Variants in AP3S1 observed in about 807,000 individuals in gnomAD.
AP3S1 encodes adaptor related protein complex 3 subunit sigma 1, also known as AP-3 complex subunit sigma-1.
Under a neutral mutation model 21.3 loss-of-function variants are expected in AP3S1, and 12 were observed. That is an observed-to-expected ratio of 0.56 (90% confidence interval 0.36 to 0.91). The LOEUF is 0.91. AP3S1 is among the 40% of genes least tolerant of loss of function. The pLI, the probability that AP3S1 is intolerant of heterozygous loss-of-function variation, is 0.01. For missense variants in AP3S1, 116 were observed against 225.0 expected (o/e 0.52, Z 3.10); for synonymous variants, 48 against 78.4 (o/e 0.61, Z 2.05).
chr5:115,905,710 CAT>C (rs755838257), intron 5 of AP3S1, among the ~76,000 whole-genome samples: 3 of 152,140 alleles, frequency 2.0e-5, no homozygotes, highest in Non-Finnish European at 4.4e-5. Flanking sequence ...CAAAAGCTTT[CAT>C]ATGTTTCATG....
intron 5 of AP3S1, among the ~76,000 whole-genome samples, chr5:115,905,489 T>A (rs1580745594): frequency 6.6e-6 from 1 of 152,210 alleles, no homozygotes; most frequent in African/African-American, 2.4e-5. Context: ...TTAAGTCTGA[T>A]TGGGGATAAA....
At chr5:115,856,754 G>A (rs532512996) in intron 1 of AP3S1, among the ~76,000 whole-genome samples, 59 of 152,268 alleles carry the variant, frequency 3.9e-4, no homozygotes, top group Middle Eastern at 3.4e-3. Flanking sequence ...GATTACAAAC[G>A]TGAGCCACTG....
chr5:115,894,522 A>G lies in AP3S1; in HGVS notation c.274-565A>G, dbSNP rs538586207. On this transcript the variant is annotated intron_variant, in intron 3 of 5. Transcript: ENST00000316788. Reference sequence around the variant, plus strand: ...TCCTGAAAACAGTCCATTTATGGGAATGTGCAGAGTTTGAGCAACGCAAGC... The same window carrying G: ...TCCTGAAAACAGTCCATTTATGGGAGTGTGCAGAGTTTGAGCAACGCAAGC... Among the ~76,000 whole-genome samples the G allele has an allele frequency of 2.6e-5, 4 of 152,288 alleles. No homozygotes were observed. In the East Asian group the frequency reaches 7.7e-4, roughly 29 times the overall value.
chr5:115,892,424 C>T (rs371326357), intron 3 of AP3S1, among the ~76,000 whole-genome samples: 3 of 152,094 alleles, frequency 2.0e-5, no homozygotes, highest in African/African-American at 7.2e-5. Flanking sequence ...CATCAGCAGA[C>T]GAATAATGGA....
At chr5:115,866,267 T>G (rs766090088) in intron 1 of AP3S1, among the ~76,000 whole-genome samples, 1 of 152,232 alleles carries the variant, frequency 6.6e-6, no homozygotes, top group Non-Finnish European at 1.5e-5. Context: ...CATAGTTCTA[T>G]TTCTTTCCTC....
At chr5:115,878,922 A>G (rs956775793) in intron 3 of AP3S1, among the ~76,000 whole-genome samples, 1 of 152,134 alleles carries the variant, frequency 6.6e-6, no homozygotes, top group African/African-American at 2.4e-5. Context: ...CATCCCTTGT[A>G]AGTTGTATTC....
intron 1 of AP3S1, among the ~76,000 whole-genome samples, chr5:115,848,935 G>GT (rs1456642353): frequency 1.3e-5 from 2 of 152,184 alleles, no homozygotes. Flanking sequence ...GCTAATAACT[G>GT]TTTTCTTAAG....
intron 4 of AP3S1, among the ~76,000 whole-genome samples, chr5:115,896,168 C>T (rs1418087423): frequency 1.3e-5 from 2 of 152,134 alleles, no homozygotes; most frequent in Non-Finnish European, 2.9e-5. Flanking sequence ...TTTAAGCTTA[C>T]AAAACTAAGT....
At chr5:115,870,668 A>G (rs1205564895) in intron 3 of AP3S1, among the ~76,000 whole-genome samples, 1 of 152,152 alleles carries the variant, frequency 6.6e-6, no homozygotes, top group African/African-American at 2.4e-5. Context: ...TTTCCAGACC[A>G]TTCTTTCTTC....
chr5:115,892,121 T>C (rs1750358695), intron 3 of AP3S1, among the ~76,000 whole-genome samples: 1 of 152,220 alleles, frequency 6.6e-6, no homozygotes, highest in South Asian at 2.1e-4. Flanking sequence ...AGATATCATC[T>C]CATTCCAGTT....
chr5:115,900,263 ATT>A (rs1751099169), intron 4 of AP3S1, among the ~76,000 whole-genome samples: 1 of 152,200 alleles, frequency 6.6e-6, no homozygotes, highest in South Asian at 2.1e-4. Flanking sequence ...AAAAAAGATC[ATT>A]TAAGTTTTTT....
chr5:115,855,768 A>G (rs1410296176), intron 1 of AP3S1, among the ~76,000 whole-genome samples: 3 of 152,200 alleles, frequency 2.0e-5, no homozygotes, highest in Non-Finnish European at 4.4e-5. Context: ...AAAAGGATCT[A>G]TTTGTCTTTG....
intron 1 of AP3S1, among the ~76,000 whole-genome samples, chr5:115,857,691 T>C (rs760345475): frequency 6.6e-6 from 1 of 152,190 alleles, no homozygotes; most frequent in Admixed American, 6.5e-5. Context: ...ATGTACTTGT[T>C]TTACTGCCTG....
chr5:115,893,384 G>A (rs949530079), intron 3 of AP3S1, among the ~76,000 whole-genome samples: 9 of 152,170 alleles, frequency 5.9e-5, no homozygotes, highest in African/African-American at 2.2e-4. Context: ...ATTTCATGAA[G>A]TCGTACCCCA....
At position 115,897,694 on chromosome 5, in the gene AP3S1, G is replaced by A. The variant is rs144301632; in HGVS notation, c.345+2536G>A. On this transcript the variant is annotated intron_variant, in intron 4 of 5. Coordinates refer to ENST00000316788, the MANE Select transcript of AP3S1 (RefSeq NM_001284.4). The stretch of plus-strand genomic sequence containing the variant: ...CCTGCCTCAGCCTCCCGAGTAGCTG[G>A]GACTACAGGCACCCGCCACCACGCC... 3.3e-3 allele frequency among the ~76,000 whole-genome samples: 503 copies of A among 151,876 alleles called. 1 individual carries two copies. The highest frequency in any genetic ancestry group is 0.011 in the African/African-American group (468 of 41,392).
intron 1 of AP3S1, among the ~76,000 whole-genome samples, chr5:115,859,822 C>G (rs1002004931): frequency 6.6e-6 from 1 of 152,202 alleles, no homozygotes; most frequent in Non-Finnish European, 1.5e-5. Flanking sequence ...TGAAGAAGGC[C>G]TGCCTCTAGG....
intron 1 of AP3S1, 45 bp from the exon 2 acceptor site, chr5:115,866,625 A>T (rs1394345216): frequency 7.5e-7 from 1 of 1,328,182 alleles, no homozygotes; most frequent in Admixed American, 2.2e-5. Context: ...AATGCTATTA[A>T]ACCTATACAC....
intron 3 of AP3S1, among the ~76,000 whole-genome samples, chr5:115,884,619 G>A (rs1056804126): frequency 3.9e-5 from 6 of 152,146 alleles, no homozygotes; most frequent in Admixed American, 6.5e-5. Context: ...GGATATTCAC[G>A]TTTACATAGA....
At chr5:115,875,621 T>G (rs943119710) in intron 3 of AP3S1, among the ~76,000 whole-genome samples, 1 of 152,212 alleles carries the variant, frequency 6.6e-6, no homozygotes, top group African/African-American at 2.4e-5. Context: ...AAGATGAGTT[T>G]CTGGTGCAGT....
Sources: gnomAD v4.1 joint callset for allele counts (sites outside exome capture counted in the v4.1 genomes callset) on GRCh38, gnomAD v4.1.1 for gene constraint, MANE v1.5 for transcripts, NCBI Gene and HGNC (gene_info 2026-07-23, HGNC 2026-07-21) for gene names.